PTPRD: variants seen among roughly 807,000 people sequenced by gnomAD.
PTPRD encodes receptor-type tyrosine-protein phosphatase delta.
In PTPRD, 34 loss-of-function variants were observed where a neutral mutation model predicts 214.5. That is an observed-to-expected ratio of 0.16 (90% CI 0.12 to 0.21). PTPRD has a LOEUF of 0.21. PTPRD is among the 10% of genes least tolerant of loss of function. PTPRD has a pLI of 1.00. For missense variants in PTPRD, 2,545 were observed against 2,398.7 expected, an observed-to-expected ratio of 1.06 and a Z score of -1.27; for synonymous variants, 1,128 against 845.7, an observed-to-expected ratio of 1.33 and a Z score of -5.79.
intron 2 of PTPRD, among the ~76,000 whole-genome samples, chr9:10,545,453 T>C (rs1321917991): frequency 6.6e-6 from 1 of 152,198 alleles, no homozygotes; most frequent in Non-Finnish European, 1.5e-5. Context: ...ATCTGGTTTA[T>C]GGCTAATTAG....
At chr9:9,264,586 AAG>A (rs1332413385) in intron 9 of PTPRD, among the ~76,000 whole-genome samples, 1 of 151,492 alleles carries the variant, frequency 6.6e-6, no homozygotes, top group African/African-American at 2.4e-5. Flanking sequence ...CAAAAAGGAG[AAG>A]AGAGAGAGAA....
intron 2 of PTPRD, among the ~76,000 whole-genome samples, chr9:10,432,888 C>G (rs1440300402): frequency 6.6e-6 from 1 of 151,850 alleles, no homozygotes; most frequent in Non-Finnish European, 1.5e-5. Context: ...CTCATAGTGT[C>G]CAGTGTTCCT....
intron 8 of PTPRD, among the ~76,000 whole-genome samples, chr9:9,534,499 C>T (rs1226372807): frequency 6.6e-6 from 1 of 152,018 alleles, no homozygotes; most frequent in Non-Finnish European, 1.5e-5. Flanking sequence ...CAGTTTTATA[C>T]AATGGTTAAT....
intron 2 of PTPRD, among the ~76,000 whole-genome samples, chr9:10,414,067 G>T (rs1470908678): frequency 1.3e-5 from 2 of 151,830 alleles, no homozygotes; most frequent in African/African-American, 4.8e-5. Flanking sequence ...TGACTAAGAT[G>T]CCAAAAGCAA....
intron 32 of PTPRD, 93 bp downstream of exon 32, chr9:8,465,373 G>C: frequency 1.8e-6 from 2 of 1,130,778 alleles, no homozygotes; most frequent in Admixed American, 3.8e-5. Context: ...GAAATAATGA[G>C]GATGGATATA....
At chr9:10,397,968 C>A (rs546021753) in intron 2 of PTPRD, among the ~76,000 whole-genome samples, 2 of 151,970 alleles carry the variant, frequency 1.3e-5, no homozygotes, top group East Asian at 3.9e-4. Flanking sequence ...TAATTAGGAG[C>A]AGGTAAAATT....
chr9:9,770,231 T>C (rs1421679925), intron 5 of PTPRD, among the ~76,000 whole-genome samples: 1 of 152,234 alleles, frequency 6.6e-6, no homozygotes, highest in African/African-American at 2.4e-5. Context: ...ACCAAAAGTG[T>C]AAAAGCGTTC....
intron 3 of PTPRD, among the ~76,000 whole-genome samples, chr9:10,268,084 C>T (rs2094186278): frequency 6.7e-6 from 1 of 150,154 alleles, no homozygotes; most frequent in Non-Finnish European, 1.5e-5. Flanking sequence ...TCAAGACCAA[C>T]CTAAGCAACA....
At chr9:9,758,212 T>C (rs1295719305) in intron 6 of PTPRD, among the ~76,000 whole-genome samples, 1 of 149,132 alleles carries the variant, frequency 6.7e-6, no homozygotes, top group East Asian at 2.0e-4. Flanking sequence ...AATAAAAACA[T>C]CACTTATTTC....
At chr9:9,369,301 C>A (rs1206641423) in intron 9 of PTPRD, among the ~76,000 whole-genome samples, 2 of 152,238 alleles carry the variant, frequency 1.3e-5, no homozygotes, top group East Asian at 3.9e-4. Flanking sequence ...GATCACCATT[C>A]TAACTGGTGT....
chr9:9,983,850 G>C (rs906605101), intron 4 of PTPRD, among the ~76,000 whole-genome samples: 1 of 152,114 alleles, frequency 6.6e-6, no homozygotes, highest in Non-Finnish European at 1.5e-5. Flanking sequence ...AATCTTTGGA[G>C]GGTAATGACA....
intron 7 of PTPRD, among the ~76,000 whole-genome samples, chr9:9,689,796 C>T (rs2097233960): frequency 1.3e-5 from 2 of 151,858 alleles, no homozygotes; most frequent in African/African-American, 4.8e-5. Flanking sequence ...GTTCCGTAGA[C>T]GTTGCTGCAA....
At chr9:8,465,708 C>A (rs778007797) in intron 31 of PTPRD, 33 bp from the exon 32 acceptor site, 2 of 1,556,976 alleles carry the variant, frequency 1.3e-6, no homozygotes, top group Admixed American at 1.8e-5. Flanking sequence ...AGAAAAAGAA[C>A]TGTAAATAAT....
At chr9:10,312,026 G>T (rs570093878) in intron 3 of PTPRD, among the ~76,000 whole-genome samples, 1 of 151,832 alleles carries the variant, frequency 6.6e-6, no homozygotes, top group African/African-American at 2.4e-5. Flanking sequence ...GACCAATAAG[G>T]TCTCATCTCA....
At chr9:9,764,468 C>G (rs1446555060) in intron 6 of PTPRD, among the ~76,000 whole-genome samples, 1 of 152,092 alleles carries the variant, frequency 6.6e-6, no homozygotes, top group Non-Finnish European at 1.5e-5. Flanking sequence ...AAGATAAAGA[C>G]AAATATTATC....
chr9:10,446,371 A>C (rs562249883), intron 2 of PTPRD, among the ~76,000 whole-genome samples: 9 of 151,254 alleles, frequency 6.0e-5, no homozygotes, highest in Non-Finnish European at 1.2e-4. Flanking sequence ...GAACTATTGA[A>C]GAGTAGTGCT....
intron 3 of PTPRD, among the ~76,000 whole-genome samples, chr9:10,138,796 G>A (rs1346076653): frequency 2.0e-5 from 3 of 151,988 alleles, no homozygotes; most frequent in Non-Finnish European, 4.4e-5. Context: ...ATTAAAAACA[G>A]AAACCATATG....
chr9:9,325,904 G>A (rs558163364), intron 9 of PTPRD, among the ~76,000 whole-genome samples: 4 of 151,440 alleles, frequency 2.6e-5, no homozygotes, highest in African/African-American at 9.7e-5. Flanking sequence ...TAGCATGAAG[G>A]GCTGTTGAAC....
rs373486453 is a variant in PTPRD, at chr9:8,880,557, T to G, written c.-104+138140A>C. Among the ~76,000 whole-genome samples the G allele has an allele frequency of 9.9e-5, 15 of 152,254 alleles. No homozygotes were observed. The East Asian group carries it at 1.7e-3, about 18-fold the overall frequency. On this transcript the variant is annotated intron_variant, in intron 11 of 45. Coordinates refer to ENST00000381196, the MANE Select transcript of PTPRD (RefSeq NM_002839.4). ...ATCTGAGGGTGCCTATTGGGAGTAATGAAATAACATTACATTACTGCAAAG... is the reference window on the plus strand; with the variant it reads ...ATCTGAGGGTGCCTATTGGGAGTAAGGAAATAACATTACATTACTGCAAAG...
Sources: gnomAD v4.1 joint callset for allele counts (sites outside exome capture counted in the v4.1 genomes callset) on GRCh38, gnomAD v4.1.1 for gene constraint, MANE v1.5 for transcripts, NCBI Gene and HGNC (gene_info 2026-07-23, HGNC 2026-07-21) for gene names.